SORT1: variants seen among roughly 807,000 people sequenced by gnomAD.
The protein encoded by SORT1 is sortilin 1, also known as sortilin.
SORT1 carries 39 observed loss-of-function variants against 101.7 expected under a neutral mutation model. The observed-to-expected ratio is 0.38, with a 90% CI of 0.30 to 0.50. SORT1 has a LOEUF of 0.50. SORT1 is among the 20% of genes least tolerant of loss of function. The pLI, the probability that SORT1 is intolerant of heterozygous loss-of-function variation, is 0.90. For missense variants in SORT1, 878 were observed against 1,040.4 expected, an observed-to-expected ratio of 0.84 and a Z score of 2.15; for synonymous variants, 396 against 393.7, an observed-to-expected ratio of 1.01 and a Z score of -0.07.
rs1244005496 is a variant in SORT1 at position 109,309,777 on chromosome 1, A to T, written c.*4266T>A. 1 of 152,094 alleles carries T rather than the reference A, an allele frequency of 6.6e-6. No individual in the cohort carries two copies. The highest frequency in any genetic ancestry group is 1.5e-5 in the Non-Finnish European group (1 of 68,024). 9.4% of individuals were successfully genotyped at this position (152,094 alleles called of 1,614,324 possible). A position where few individuals can be genotyped will look rare whatever the true frequency, so the allele number is the denominator to read the frequency against. On this transcript the variant is annotated 3_prime_UTR_variant, in exon 20 of 20. Coordinates refer to ENST00000256637, the MANE Select transcript of SORT1 (RefSeq NM_002959.7). ...TGGGTCACTGAAACTCGATTATCCC[A>T]CCTCACATGCAATTTTCTGTCCTAA...
intron 11 of SORT1, among the ~76,000 whole-genome samples, chr1:109,334,308 G>A (rs556903884): frequency 7.2e-5 from 11 of 152,034 alleles, no homozygotes; most frequent in South Asian, 2.1e-4. Flanking sequence ...CAACCTAAGC[G>A]TCTACAGATG....
intron 1 of SORT1, among the ~76,000 whole-genome samples, chr1:109,376,186 C>G (rs966789446): frequency 3.9e-5 from 6 of 151,998 alleles, no homozygotes; most frequent in African/African-American, 1.4e-4. Flanking sequence ...AAAAATTAGC[C>G]GGGCGTGGCG....
intron 15 of SORT1, among the ~76,000 whole-genome samples, chr1:109,318,430 G>A (rs1647392676): frequency 6.6e-6 from 1 of 152,142 alleles, no homozygotes; most frequent in African/African-American, 2.4e-5. Flanking sequence ...GATTACAGGT[G>A]TGAGCCACCG....
intron 3 of SORT1, among the ~76,000 whole-genome samples, chr1:109,357,462 C>CA (rs1460840861): frequency 6.6e-6 from 1 of 152,170 alleles, no homozygotes; most frequent in African/African-American, 2.4e-5. Flanking sequence ...TGAGGAGTTG[C>CA]AAGGGAAGGC....
intron 1 of SORT1, among the ~76,000 whole-genome samples, chr1:109,386,682 A>T (rs1652589846): frequency 6.6e-6 from 1 of 152,214 alleles, no homozygotes; most frequent in Non-Finnish European, 1.5e-5. Flanking sequence ...GTAAGACCTC[A>T]TCTCTATTTT....
At position 109,326,428 on chromosome 1, in the gene SORT1, AATATATATAT is replaced by A. The variant is rs1166570516; in HGVS notation, c.1643+554_1643+563del. Among the ~76,000 whole-genome samples the A allele has an allele frequency of 6.4e-3, 457 of 70,902 alleles. 16 individuals carry two copies. Among genetic ancestry groups the A allele is most frequent in the African/African-American group, 0.026 (435 of 17,050 alleles). The allele number at this position is 70,902 out of a possible 152,430, so 46.5% of individuals were successfully genotyped here. ...CCATAATAATTTTGTAGACAGAAAG[AATATATATAT>A]ATATATATATATATATATATATATA... On this transcript the variant is annotated intron_variant, in intron 13 of 19. Coordinates refer to ENST00000256637, the MANE Select transcript of SORT1 (RefSeq NM_002959.7).
intron 1 of SORT1, among the ~76,000 whole-genome samples, chr1:109,379,400 G>A (rs747082492): frequency 6.6e-5 from 10 of 152,162 alleles, no homozygotes; most frequent in Non-Finnish European, 1.0e-4. Flanking sequence ...GCCACATGTG[G>A]CCCACGGGCT....
intron 1 of SORT1, among the ~76,000 whole-genome samples, chr1:109,378,746 AT>A (rs1652033156): frequency 3.6e-5 from 3 of 84,332 alleles, no homozygotes; most frequent in African/African-American, 1.4e-4. Flanking sequence ...ATATATATAT[AT>A]ATATATATAT....
In SORT1 at chr1:109,313,770, C is replaced by A. The variant is rs1658860531; in HGVS notation, c.*273G>T. 4 of 510,764 alleles carry A rather than the reference C, an allele frequency of 7.8e-6. No individual in the cohort carries two copies. Among genetic ancestry groups the A allele is most frequent in the African/African-American group, 3.9e-5 (2 of 51,332 alleles). 31.6% of individuals were successfully genotyped at this position (510,764 alleles called of 1,614,324 possible). A position where few individuals can be genotyped will look rare whatever the true frequency, so the allele number is the denominator to read the frequency against. ...CCCTTAAAAAACAAAAACAAAAAAG[C>A]CCATACTTTGCAAAGAGACAGGACG... On this transcript the variant is annotated 3_prime_UTR_variant, in exon 20 of 20. Coordinates refer to ENST00000256637, the MANE Select transcript of SORT1 (RefSeq NM_002959.7).
At chr1:109,372,820 A>T (rs1186537409) in intron 1 of SORT1, among the ~76,000 whole-genome samples, 16 of 151,564 alleles carry the variant, frequency 1.1e-4, no homozygotes. Context: ...AATGGCGTGA[A>T]CCTGGGAGGC....
At chr1:109,318,943 C>T (rs1174705938) in intron 15 of SORT1, among the ~76,000 whole-genome samples, 1 of 152,164 alleles carries the variant, frequency 6.6e-6, no homozygotes, top group Non-Finnish European at 1.5e-5. Context: ...CTGTGCCTTG[C>T]TAATTTTTGT....
rs189030378 is a variant in SORT1, at chr1:109,355,092, G to A, written c.543+275C>T. Among the ~76,000 whole-genome samples the A allele has an allele frequency of 7.2e-5, 11 of 152,152 alleles. No homozygotes were observed. The East Asian group carries it at 1.9e-3, about 27-fold the overall frequency. On this transcript the variant is annotated intron_variant, in intron 4 of 19. Transcript: ENST00000256637. The stretch of plus-strand genomic sequence containing the variant: ...AAAAATTACCCAGGAGTGGTGGCAA[G>A]AGCCTGTAGTCCCAGCTACTCAAGT...
intron 8 of SORT1, among the ~76,000 whole-genome samples, chr1:109,344,244 T>C (rs886376472): frequency 3.9e-5 from 6 of 152,190 alleles, no homozygotes; most frequent in Admixed American, 3.3e-4. Context: ...CCGCTGCTTC[T>C]GCGCGTGCCC....
At chr1:109,375,646 G>T (rs374172477) in intron 1 of SORT1, among the ~76,000 whole-genome samples, 2 of 150,122 alleles carry the variant, frequency 1.3e-5, no homozygotes, top group Non-Finnish European at 3.0e-5. Flanking sequence ...CAAGAAACAC[G>T]ATGAAAAATA....
At chr1:109,359,360 A>T (rs1301107260) in intron 3 of SORT1, among the ~76,000 whole-genome samples, 1 of 152,128 alleles carries the variant, frequency 6.6e-6, no homozygotes, top group Non-Finnish European at 1.5e-5. Context: ...TCAACATATG[A>T]GTTCAGAGGG....
At chr1:109,351,182 G>C (rs943069747) in intron 5 of SORT1, among the ~76,000 whole-genome samples, 180 bp from the exon 6 acceptor site, 5 of 152,160 alleles carry the variant, frequency 3.3e-5, no homozygotes, top group Admixed American at 3.3e-4. Context: ...TGGGGTCTTG[G>C]AAGTTCAGAA....
intron 3 of SORT1, among the ~76,000 whole-genome samples, chr1:109,364,265 G>C (rs1198625693): frequency 5.9e-5 from 9 of 152,150 alleles, no homozygotes; most frequent in African/African-American, 2.2e-4. Flanking sequence ...TTTAAACAGT[G>C]ACATGGCAGT....
At chr1:109,332,555 C>T (rs920016357) in intron 11 of SORT1, among the ~76,000 whole-genome samples, 1 of 152,046 alleles carries the variant, frequency 6.6e-6, no homozygotes, top group Non-Finnish European at 1.5e-5. Flanking sequence ...GGGTGACAGA[C>T]TAAGACTTTG....
chr1:109,332,926 C>T (rs1302028450), intron 11 of SORT1, among the ~76,000 whole-genome samples: 1 of 152,092 alleles, frequency 6.6e-6, no homozygotes, highest in African/African-American at 2.4e-5. Context: ...GAATAAATTT[C>T]AACCCTTCTT....
Sources: allele counts gnomAD v4.1 joint callset (sites outside exome capture counted in the v4.1 genomes callset), GRCh38; gene constraint gnomAD v4.1.1; transcripts MANE v1.5; gene names NCBI Gene and HGNC (gene_info 2026-07-23, HGNC 2026-07-21).